Variants in AMPH observed in about 807,000 individuals in gnomAD.
AMPH encodes the protein amphiphysin (Stiff-Mann syndrome with breast cancer 128kD autoantigen).
A neutral mutation model predicts 99.1 loss-of-function variants in AMPH; 49 were observed. The observed-to-expected ratio is 0.49, with a 90% CI of 0.39 to 0.63. The LOEUF (loss-of-function observed/expected upper bound fraction) is 0.63. Among genes scored for constraint, AMPH ranks in the 20% least tolerant of loss-of-function variants. The probability of loss-of-function intolerance (pLI) is 0.00; values close to 1 mark genes in which losing one functional copy is unlikely to be tolerated. For synonymous variants in AMPH, 314 were observed against 317.3 expected, an observed-to-expected ratio of 0.99 and a Z score of 0.11; for missense variants, 759 against 863.4, an observed-to-expected ratio of 0.88 and a Z score of 1.52.
rs539897816 is a variant in AMPH at position 38,592,188 on chromosome 7, A to G, written c.69+39095T>C. On this transcript the variant is annotated intron_variant, in intron 1 of 20. Coordinates refer to ENST00000356264, the MANE Select transcript of AMPH (RefSeq NM_001635.4). ...CTCATGCTATTGTTTGTGATTCAGGAATGCCTTTAAGCGGTTTTCCACCCT... is the reference window on the plus strand; with the variant it reads ...CTCATGCTATTGTTTGTGATTCAGGGATGCCTTTAAGCGGTTTTCCACCCT... Among the ~76,000 whole-genome samples the G allele has an allele frequency of 2.6e-5, 4 of 152,308 alleles. No homozygotes were observed. In the East Asian group the frequency reaches 7.7e-4, roughly 29 times the overall value.
intron 11 of AMPH, among the ~76,000 whole-genome samples, chr7:38,446,534 T>C (rs763342405): frequency 6.6e-6 from 1 of 152,232 alleles, no homozygotes; most frequent in Non-Finnish European, 1.5e-5. Flanking sequence ...TGATACTATA[T>C]GATTCCATTT....
intron 1 of AMPH, among the ~76,000 whole-genome samples, chr7:38,594,771 C>T (rs530763786): frequency 6.6e-6 from 1 of 152,046 alleles, no homozygotes; most frequent in Non-Finnish European, 1.5e-5. Context: ...ATCTGCATCC[C>T]AAATTTCCCC....
chr7:38,586,661 C>T (rs1052154715), intron 1 of AMPH, among the ~76,000 whole-genome samples: 6 of 152,128 alleles, frequency 3.9e-5, no homozygotes, highest in African/African-American at 1.4e-4. Context: ...GTGGCTCCAA[C>T]CAGAAACACA....
intron 1 of AMPH, among the ~76,000 whole-genome samples, chr7:38,584,532 C>A (rs79741813): frequency 0.027 from 4,063 of 152,260 alleles, 75 homozygotes; most frequent in Middle Eastern, 0.079. Context: ...GAGGGGATGT[C>A]CCCTGAAGGC....
chr7:38,574,565 A>G (rs1358656053), intron 1 of AMPH, among the ~76,000 whole-genome samples: 2 of 152,234 alleles, frequency 1.3e-5, no homozygotes, highest in African/African-American at 4.8e-5. Context: ...TACAAGGGAG[A>G]GAAAACGGGT....
chr7:38,492,791 G>A (rs1415927130), intron 4 of AMPH, among the ~76,000 whole-genome samples: 1 of 152,126 alleles, frequency 6.6e-6, no homozygotes, highest in Non-Finnish European at 1.5e-5. Context: ...GCCACACATA[G>A]AAGGTAACAT....
chr7:38,441,779 C>CATATATATATCATATATATG (rs1786530394), intron 11 of AMPH, among the ~76,000 whole-genome samples: 1 of 135,220 alleles, frequency 7.4e-6, no homozygotes, highest in Non-Finnish European at 1.6e-5. Flanking sequence ...TGATATATAT[C>CATATATATATCATATATATG]ATATATCTGT....
chr7:38,525,827 A>C lies in AMPH; in HGVS notation c.150+9104T>G, dbSNP rs575399583. ...GTATTCCATAGTATGGATATACTACAGTTTGTTTAACTATTCACCCCCTGA... is the reference window on the plus strand; with the variant it reads ...GTATTCCATAGTATGGATATACTACCGTTTGTTTAACTATTCACCCCCTGA... On this transcript the variant is annotated intron_variant, in intron 2 of 20. Transcript: ENST00000356264. Among the ~76,000 whole-genome samples, 3 of 152,266 alleles carry C rather than the reference A, an allele frequency of 2.0e-5. No individual in the cohort carries two copies. The East Asian group carries it at 5.8e-4, about 29-fold the overall frequency.
At chr7:38,577,223 C>T (rs932241198) in intron 1 of AMPH, among the ~76,000 whole-genome samples, 4 of 152,142 alleles carry the variant, frequency 2.6e-5, no homozygotes, top group African/African-American at 4.8e-5. Flanking sequence ...ACAAGAGAAG[C>T]ATGTGGACAA....
chr7:38,526,626 T>G (rs2129037093), intron 2 of AMPH, among the ~76,000 whole-genome samples: 1 of 151,980 alleles, frequency 6.6e-6, no homozygotes, highest in South Asian at 2.1e-4. Flanking sequence ...AACTTATTTT[T>G]ACTACGGAGT....
chr7:38,425,492 A>C (rs1785751238), intron 15 of AMPH, among the ~76,000 whole-genome samples: 1 of 152,198 alleles, frequency 6.6e-6, no homozygotes, highest in African/African-American at 2.4e-5. Flanking sequence ...TATAATTACC[A>C]CAAAGGAAAA....
intron 11 of AMPH, among the ~76,000 whole-genome samples, chr7:38,442,174 A>G (rs71548613): frequency 0.03 from 4,556 of 152,184 alleles, 95 homozygotes; most frequent in South Asian, 0.1. Context: ...TGGGTGAGGA[A>G]GTGATCTGTA....
intron 18 of AMPH, 38 bp from the exon 19 acceptor site, chr7:38,392,055 C>T (rs1024136753): frequency 1.3e-6 from 2 of 1,593,172 alleles, no homozygotes; most frequent in Non-Finnish European, 1.7e-6. Flanking sequence ...CCGGCAGGGC[C>T]TGGAAAACAG....
chr7:38,467,489 C>T (rs1453562501), intron 7 of AMPH, among the ~76,000 whole-genome samples: 3 of 152,096 alleles, frequency 2.0e-5, no homozygotes. Flanking sequence ...TAACACTTTT[C>T]TTCCTTCAAT....
At chr7:38,583,595 A>C (rs775726797) in intron 1 of AMPH, among the ~76,000 whole-genome samples, 9 of 152,228 alleles carry the variant, frequency 5.9e-5, no homozygotes, top group Non-Finnish European at 1.0e-4. Context: ...CAGGATAGAC[A>C]TATTCTATCA....
At chr7:38,480,439 T>G (rs1788245410) in intron 5 of AMPH, among the ~76,000 whole-genome samples, 1 of 152,078 alleles carries the variant, frequency 6.6e-6, no homozygotes, top group Admixed American at 6.6e-5. Context: ...TCAGTCTCGG[T>G]TAGTGCTTCT....
chr7:38,606,634 G>A (rs2129063479), intron 1 of AMPH, among the ~76,000 whole-genome samples: 1 of 138,624 alleles, frequency 7.2e-6, no homozygotes, highest in African/African-American at 2.7e-5. Flanking sequence ...ATGCAGTAGT[G>A]CAATCTCAGC....
At chr7:38,429,589 G>A (rs755332971) in intron 14 of AMPH, 2 of 1,447,626 alleles carry the variant, frequency 1.4e-6, no homozygotes, top group South Asian at 1.3e-5. Flanking sequence ...TTTAAAGTAT[G>A]CAGAAGAGCA....
intron 11 of AMPH, among the ~76,000 whole-genome samples, chr7:38,438,796 T>A (rs1303328443): frequency 1.3e-5 from 2 of 152,192 alleles, no homozygotes; most frequent in African/African-American, 4.8e-5. Context: ...TAATAAGACC[T>A]AATAGGATTA....
Sources: allele counts gnomAD v4.1 joint callset (sites outside exome capture counted in the v4.1 genomes callset), GRCh38; gene constraint gnomAD v4.1.1; transcripts MANE v1.5; gene names NCBI Gene and HGNC (gene_info 2026-07-23, HGNC 2026-07-21).